DCTD: variants seen among roughly 807,000 people sequenced by gnomAD.
The protein encoded by DCTD is dCMP deaminase, also known as deoxycytidylate deaminase.
Under a neutral mutation model 21.0 loss-of-function variants are expected in DCTD, and 23 were observed. That is an observed-to-expected ratio of 1.09 (90% CI 0.79 to 1.55). The LOEUF (loss-of-function observed/expected upper bound fraction) is 1.55, where lower values mean the gene tolerates loss of function less well. Ranked by LOEUF, DCTD falls within the 40% of genes most tolerant of loss-of-function variation. DCTD has a pLI of 0.00. For missense variants in DCTD, 224 were observed against 230.0 expected (o/e 0.97, Z 0.17); for synonymous variants, 71 against 81.1 (o/e 0.88, Z 0.67).
Position 182,915,470 on chromosome 4 carries a change from T to C in DCTD, c.99A>G (p.Pro33=). The change falls in exon 2 of 6, where the codon CCA becomes CCG. Residue 33 remains proline (P), a synonymous_variant. Coordinates refer to ENST00000438320, the MANE Select transcript of DCTD (RefSeq NM_001921.3). Reference sequence around the variant, plus strand: ...CGTGAAATTCATTTACCTGGGAATTTGGATCTTTGCTTCTCTGTGCTGATA... The same window carrying C: ...CGTGAAATTCATTTACCTGGGAATTCGGATCTTTGCTTCTCTGTGCTGATA... ...AFLSAQRSKD[P]NSQVGACIVN... The C allele has an allele frequency of 6.2e-7, 1 of 1,602,560 alleles. No individual in the cohort carries two copies. The highest frequency in any genetic ancestry group is 8.6e-7 in the Non-Finnish European group (1 of 1,169,380).
intron 5 of DCTD, among the ~76,000 whole-genome samples, chr4:182,892,756 T>G (rs1335548978): frequency 6.6e-6 from 1 of 152,262 alleles, no homozygotes; most frequent in Non-Finnish European, 1.5e-5. Context: ...AACTTGTGAA[T>G]GTTTAAACTT....
In DCTD at chr4:182,915,071, A is replaced by G. The variant is rs371627364; in HGVS notation, c.109-13T>C. 1.9e-5 allele frequency: 30 copies of G among 1,614,134 alleles called. No homozygotes were observed. Among genetic ancestry groups the G allele is most frequent in the African/African-American group, 1.3e-4 (10 of 74,952 alleles). ...TGCAGGCGCCGACCTAGAAGGAAAC[A>G]TGCCCAAAGGCTTGGTGCCTGCAAC... On this transcript the variant is annotated splice_polypyrimidine_tract_variant and intron_variant, in intron 2 of 5. Transcript: ENST00000438320.
At chr4:182,906,237 G>A (rs925990345) in intron 3 of DCTD, among the ~76,000 whole-genome samples, 3 of 152,136 alleles carry the variant, frequency 2.0e-5, no homozygotes, top group East Asian at 1.9e-4. Flanking sequence ...AGGCTGGGAC[G>A]TCCGAGATCA....
rs1232449522 is a variant in DCTD, at chr4:182,911,452, A to C, written c.244+3471T>G. On this transcript the variant is annotated intron_variant, in intron 3 of 5. Coordinates refer to ENST00000438320, the MANE Select transcript of DCTD (RefSeq NM_001921.3). ...GCCGGACACAGGCCACCCCTCCCCG[A>C]GCTCCTGATCTCTGAGGAGTAATTA... 4 of 152,124 alleles carry C rather than the reference A, an allele frequency of 2.6e-5. No individual in the cohort carries two copies. The East Asian group carries it at 7.7e-4, about 29-fold the overall frequency. The allele number at this position is 152,124 out of a possible 1,614,324, so 9.4% of individuals were successfully genotyped here. A position where few individuals can be genotyped will look rare whatever the true frequency, so the allele number is the denominator to read the frequency against.
At chr4:182,896,686 C>G (rs6834432) in intron 3 of DCTD, among the ~76,000 whole-genome samples, 8,252 of 152,264 alleles carry the variant, frequency 0.054, 724 homozygotes, top group African/African-American at 0.19. Flanking sequence ...TCTTCTCCCC[C>G]TTGTGACCAG....
chr4:182,903,479 G>A (rs1268201618), intron 3 of DCTD, among the ~76,000 whole-genome samples: 1 of 152,180 alleles, frequency 6.6e-6, no homozygotes. Flanking sequence ...AGAAACGGGG[G>A]TGATGTGGAG....
rs1354874367 is a variant in DCTD at position 182,898,729 on chromosome 4, G to C, written c.245-4124C>G. Among the ~76,000 whole-genome samples, 7 of 152,130 alleles carry C rather than the reference G, an allele frequency of 4.6e-5. No individual in the cohort carries two copies. In the East Asian group the frequency reaches 1.2e-3, roughly 25 times the overall value. ...AGAGGTCATCTTGTCAGCCTTTTAG[G>C]ATTCTTTTTTTCCTCCTTTCAAGAT... is the stretch of plus-strand genomic sequence containing the variant. On this transcript the variant is annotated intron_variant, in intron 3 of 5. Coordinates refer to ENST00000438320, the MANE Select transcript of DCTD (RefSeq NM_001921.3).
intron 3 of DCTD, among the ~76,000 whole-genome samples, chr4:182,895,642 G>C (rs1734604589): frequency 6.6e-6 from 1 of 152,182 alleles, no homozygotes; most frequent in Admixed American, 6.5e-5. Flanking sequence ...ACACACCTGG[G>C]TTTGACTCCC....
At chr4:182,907,445 T>C (rs1478792896) in intron 3 of DCTD, among the ~76,000 whole-genome samples, 3 of 152,236 alleles carry the variant, frequency 2.0e-5, no homozygotes, top group Admixed American at 6.5e-5. Context: ...CTAGGATCTT[T>C]TTCTTTATTG....
At chr4:182,905,326 CT>C (rs70956544) in intron 3 of DCTD, among the ~76,000 whole-genome samples, 31,910 of 121,558 alleles carry the variant, frequency 0.26, 3,841 homozygotes, top group Non-Finnish European at 0.31. Flanking sequence ...AGCCCGCCTT[CT>C]TTTTTTTTTT....
rs1321075084 is a variant in DCTD, at chr4:182,890,322, C to T, written c.*1077G>A. ...TGAGATTAAAGAGAAGGGGCACAGC[C>T]ACACGCTCCCCGCCCCGCGGTGATT... On this transcript the variant is annotated 3_prime_UTR_variant, in exon 6 of 6. Transcript: ENST00000438320. 1 of 152,176 alleles carries T rather than the reference C, an allele frequency of 6.6e-6. No homozygotes were observed. The highest frequency in any genetic ancestry group is 1.5e-5 in the Non-Finnish European group (1 of 68,048). The allele number at this position is 152,176 out of a possible 1,614,324, so 9.4% of individuals were successfully genotyped here.
intron 3 of DCTD, among the ~76,000 whole-genome samples, chr4:182,913,972 T>C (rs989886826): frequency 1.1e-4 from 17 of 150,998 alleles, no homozygotes; most frequent in Non-Finnish European, 1.3e-4. Flanking sequence ...TCTAGCTTTT[T>C]CTTTTCTTTG....
At chr4:182,895,011 C>G (rs754091031) in intron 3 of DCTD, among the ~76,000 whole-genome samples, 1 of 152,246 alleles carries the variant, frequency 6.6e-6, no homozygotes, top group Non-Finnish European at 1.5e-5. Flanking sequence ...CAACAAGTGA[C>G]GAAGCTGAGC....
chr4:182,914,659 G>A (rs773509830), intron 3 of DCTD, among the ~76,000 whole-genome samples: 16 of 152,222 alleles, frequency 1.1e-4, no homozygotes, highest in Non-Finnish European at 1.9e-4. Flanking sequence ...AGGCCAGCAG[G>A]TTGCCAGTGA....
chr4:182,906,434 C>T (rs1213817519), intron 3 of DCTD, among the ~76,000 whole-genome samples: 4 of 152,150 alleles, frequency 2.6e-5, no homozygotes, highest in Admixed American at 6.5e-5. Context: ...TGCAGAGTGC[C>T]CGGCATGTAA....
intron 3 of DCTD, among the ~76,000 whole-genome samples, chr4:182,910,067 C>G (rs1737406202): frequency 6.6e-6 from 1 of 152,156 alleles, no homozygotes. Context: ...CCAACGCACT[C>G]AGAGTGAGGC....
chr4:182,916,355 G>A (rs1376660569), intron 1 of DCTD: 1 of 984,116 alleles, frequency 1.0e-6, no homozygotes, highest in African/African-American at 1.7e-5. Flanking sequence ...CAGGGGAGTG[G>A]TCGCTTTCAA....
In DCTD at chr4:182,899,399, C is replaced by CTTTT. The variant is rs548073020; in HGVS notation, c.245-4798_245-4795dup. ...TCCCATAGTCACTGCCCTTTTTTTT[C>CTTTT]TTTTTCTTTTTTTTTTAGATGGAGT... On this transcript the variant is annotated intron_variant, in intron 3 of 5. Transcript: ENST00000438320. 3.7e-4 allele frequency among the ~76,000 whole-genome samples: 53 copies of CTTTT among 144,370 alleles called. 1 individual carries two copies. Among genetic ancestry groups the CTTTT allele is most frequent in the Non-Finnish European group, 5.4e-4 (36 of 66,360 alleles). The allele number at this position is 144,370 out of a possible 152,430, so 94.7% of individuals were successfully genotyped here. A position where few individuals can be genotyped will look rare whatever the true frequency, so the allele number is the denominator to read the frequency against.
intron 3 of DCTD, among the ~76,000 whole-genome samples, chr4:182,906,435 C>T (rs536726405): frequency 1.2e-4 from 18 of 152,242 alleles, no homozygotes; most frequent in Non-Finnish European, 2.2e-4. Flanking sequence ...GCAGAGTGCC[C>T]GGCATGTAAA....
Sources: allele counts gnomAD v4.1 joint callset (sites outside exome capture counted in the v4.1 genomes callset), GRCh38; gene constraint gnomAD v4.1.1; transcripts MANE v1.5; gene names NCBI Gene and HGNC (gene_info 2026-07-23, HGNC 2026-07-21).